ATXN2: variants seen among roughly 807,000 people sequenced by gnomAD.
ATXN2 encodes ataxin-2.
ATXN2 carries 37 observed loss-of-function variants against 138.6 expected under a neutral mutation model. That is an observed-to-expected ratio of 0.27 (90% confidence interval 0.21 to 0.35). ATXN2 has a LOEUF of 0.35. Ranked by LOEUF, ATXN2 falls within the 10% of genes least tolerant of loss-of-function variation. ATXN2 has a pLI of 1.00. For missense variants in ATXN2, 1,216 were observed against 1,480.3 expected (o/e 0.82, Z 2.93); for synonymous variants, 549 against 543.7 (o/e 1.01, Z -0.13).
intron 14 of ATXN2, among the ~76,000 whole-genome samples, chr12:111,500,171 C>A (rs902756271): frequency 6.6e-6 from 1 of 152,140 alleles, no homozygotes; most frequent in African/African-American, 2.4e-5. Context: ...ATGTTTACTA[C>A]GGCACTATAT....
intron 19 of ATXN2, 142 bp downstream of exon 19, chr12:111,470,416 T>A: frequency 8.7e-7 from 1 of 1,155,646 alleles, no homozygotes; most frequent in South Asian, 1.6e-5. Flanking sequence ...CCTTCGAATA[T>A]ATATTGAAAA....
At chr12:111,562,683 G>A (rs921844720) in intron 1 of ATXN2, among the ~76,000 whole-genome samples, 13 of 130,850 alleles carry the variant, frequency 9.9e-5, no homozygotes, top group Admixed American at 7.4e-4. Context: ...TCAGGCCACC[G>A]CACTCCAGCC....
Position 111,456,101 on chromosome 12 carries a change from A to G in ATXN2, c.3198T>C (p.Thr1066=), listed in dbSNP as rs2135647429. ...PQNSFPAAQQ[T]VFTIHPSHVQ... The stretch of plus-strand genomic sequence containing the variant: ...CGTGAGAAGGATGGATCGTAAAGAC[A>G]GTCTGTTGTGCTGCTGGGAAACTAT... Residue 1066 remains threonine (T), a synonymous_variant, in exon 23 of 25, where the codon ACT becomes ACC. Coordinates refer to ENST00000673436, the MANE Select transcript of ATXN2 (RefSeq NM_001372574.1). The G allele has an allele frequency of 1.2e-6, 2 of 1,614,224 alleles. No individual in the cohort carries two copies. The highest frequency in any genetic ancestry group is 1.7e-6 in the Non-Finnish European group (2 of 1,180,042).
chr12:111,503,102 C>A (rs780274728), intron 14 of ATXN2, among the ~76,000 whole-genome samples: 1 of 152,210 alleles, frequency 6.6e-6, no homozygotes, highest in East Asian at 1.9e-4. Flanking sequence ...GCTATCAGCA[C>A]TCTGCATATG....
intron 14 of ATXN2, among the ~76,000 whole-genome samples, chr12:111,508,094 C>T (rs1472321971): frequency 5.3e-5 from 8 of 151,958 alleles, no homozygotes; most frequent in Non-Finnish European, 1.2e-4. Context: ...GACCTTCCCT[C>T]CACTATTGTC....
At chr12:111,480,671 T>C (rs1052025105) in intron 18 of ATXN2, among the ~76,000 whole-genome samples, 20 of 151,954 alleles carry the variant, frequency 1.3e-4, no homozygotes, top group South Asian at 4.1e-4. Flanking sequence ...CAAAAATAAA[T>C]AAACAAACAA....
chr12:111,574,896 T>C (rs111431266), intron 1 of ATXN2, among the ~76,000 whole-genome samples: 11 of 152,278 alleles, frequency 7.2e-5, no homozygotes, highest in African/African-American at 2.6e-4. Context: ...TAGTAACTCA[T>C]CTCTGCCACC....
intron 14 of ATXN2, among the ~76,000 whole-genome samples, chr12:111,499,926 A>T (rs1305519698): frequency 6.6e-6 from 1 of 152,244 alleles, no homozygotes; most frequent in Non-Finnish European, 1.5e-5. Context: ...ATCTCACCCC[A>T]GTTAAAATGG....
chr12:111,452,539 C>G lies in ATXN2; in HGVS notation c.*273G>C. 3.2e-6 allele frequency: 1 copy of G among 310,800 alleles called. No individual in the cohort carries two copies. The highest frequency in any genetic ancestry group is 5.9e-5 in the East Asian group (1 of 16,988). The allele number at this position is 310,800 out of a possible 1,614,324, so 19.3% of individuals were successfully genotyped here. A position where few individuals can be genotyped will look rare whatever the true frequency, so the allele number is the denominator to read the frequency against. ...TCAAGGGTTATTAAAAAATAAATAA[C>G]TTCCAGTTTCGGCAAGCAGAGCTGG... On this transcript the variant is annotated 3_prime_UTR_variant, in exon 25 of 25. Transcript: ENST00000673436.
At chr12:111,589,083 G>C (rs1884512530) in intron 1 of ATXN2, among the ~76,000 whole-genome samples, 1 of 149,480 alleles carries the variant, frequency 6.7e-6, no homozygotes, top group East Asian at 2.0e-4. Flanking sequence ...GGGAGGACGA[G>C]GCGGGTGGAT....
chr12:111,580,994 C>T (rs1453780973), intron 1 of ATXN2, among the ~76,000 whole-genome samples: 1 of 151,702 alleles, frequency 6.6e-6, no homozygotes, highest in African/African-American at 2.4e-5. Context: ...AAAACCTAGC[C>T]GGCTGTGGTG....
intron 1 of ATXN2, among the ~76,000 whole-genome samples, chr12:111,560,796 C>T (rs1882640822): frequency 6.6e-6 from 1 of 151,610 alleles, no homozygotes; most frequent in Non-Finnish European, 1.5e-5. Context: ...GAAAGTATAA[C>T]CCCACCCACT....
intron 1 of ATXN2, among the ~76,000 whole-genome samples, chr12:111,570,723 C>A (rs757459453): frequency 2.0e-5 from 3 of 152,194 alleles, no homozygotes; most frequent in Non-Finnish European, 4.4e-5. Flanking sequence ...CCATGGCAGT[C>A]CCCTCCCAGT....
At chr12:111,470,927 A>C in intron 18 of ATXN2, 185 bp from the exon 19 acceptor site, 1 of 616,888 alleles carries the variant, frequency 1.6e-6, no homozygotes, top group South Asian at 2.0e-5. Flanking sequence ...CTCAGCCTCA[A>C]ACACCAGTTC....
intron 1 of ATXN2, among the ~76,000 whole-genome samples, chr12:111,587,073 CAAAAA>C (rs374631048): frequency 8.9e-6 from 1 of 112,886 alleles, no homozygotes; most frequent in African/African-American, 3.1e-5. Context: ...CCATTTCTAC[CAAAAA>C]AAAAAAAAAA....
At chr12:111,484,593 T>C (rs1162874852) in intron 18 of ATXN2, among the ~76,000 whole-genome samples, 2 of 152,030 alleles carry the variant, frequency 1.3e-5, no homozygotes, top group South Asian at 2.1e-4. Context: ...GGTGCCACCA[T>C]GTCCGGCTAA....
chr12:111,472,896 T>C (rs1313255251), intron 18 of ATXN2, among the ~76,000 whole-genome samples: 1 of 152,156 alleles, frequency 6.6e-6, no homozygotes, highest in Non-Finnish European at 1.5e-5. Flanking sequence ...TAATATGCTA[T>C]TGAAGGTATA....
intron 1 of ATXN2, among the ~76,000 whole-genome samples, chr12:111,568,856 G>C (rs1883163207): frequency 2.0e-5 from 3 of 152,136 alleles, no homozygotes; most frequent in Admixed American, 1.3e-4. Context: ...CAGACTTCTT[G>C]TTGTTGTTTA....
chr12:111,491,985 G>A (rs1302932075), intron 14 of ATXN2, among the ~76,000 whole-genome samples: 1 of 152,176 alleles, frequency 6.6e-6, no homozygotes, highest in African/African-American at 2.4e-5. Context: ...TGCACTGAAA[G>A]TAAAGACCCA....
Sources: allele counts gnomAD v4.1 joint callset (sites outside exome capture counted in the v4.1 genomes callset), GRCh38; gene constraint gnomAD v4.1.1; transcripts MANE v1.5; gene names NCBI Gene and HGNC (gene_info 2026-07-23, HGNC 2026-07-21).